The following GRK1 variants were observed in gnomAD, a reference collection of about 807,000 sequenced individuals.
The protein encoded by GRK1 is G protein-coupled receptor kinase 1.
Under a neutral mutation model 41.7 loss-of-function variants are expected in GRK1, and 28 were observed. The ratio of observed to expected loss-of-function variants is 0.67; its 90% confidence interval spans 0.50 to 0.92. The LOEUF (loss-of-function observed/expected upper bound fraction) is 0.92, where lower values mean the gene tolerates loss of function less well. GRK1 is among the 40% of genes least tolerant of loss of function. The pLI is 0.00. For missense variants in GRK1, 703 were observed against 671.2 expected (o/e 1.05, Z -0.52); for synonymous variants, 327 against 286.7 (o/e 1.14, Z -1.42).
At chr13:113,650,096 G>A in the GRK1 span, among the ~76,000 whole-genome samples, 2 of 151,848 alleles carry the variant, frequency 1.3e-5, no homozygotes, top group African/African-American at 4.8e-5. The surrounding 1 kb of genome is among the most constrained non-coding windows in gnomAD (Gnocchi z 5.0). Flanking sequence ...CCAGGTGGTT[G>A]AGGCTGCAAT....
At chr13:113,651,072 C>T in the GRK1 span, among the ~76,000 whole-genome samples, 2 of 151,938 alleles carry the variant, frequency 1.3e-5, no homozygotes, top group Admixed American at 6.5e-5. Flanking sequence ...GTGGAGGCTT[C>T]GAGGGAAGTG....
rs747650846 is a variant in GRK1 at position 113,733,586 on chromosome 13, C to CGT, written c.1396+509_1396+510dup. On this transcript the variant is annotated intron_variant, in intron 6 of 6. Coordinates refer to ENST00000335678, the MANE Select transcript of GRK1 (RefSeq NM_002929.3). The stretch of plus-strand genomic sequence containing the variant: ...CCATGTATGTGTATGTGTGTGCATA[C>CGT]GTGTGTGTGCATGTGTGCGCATGTG... Among the ~76,000 whole-genome samples, 115 of 145,466 alleles carry CGT rather than the reference C, an allele frequency of 7.9e-4. 1 individual carries two copies. Among genetic ancestry groups the CGT allele is most frequent in the African/African-American group, 3.0e-3 (113 of 38,160 alleles).
rs1345546227 is a variant in GRK1, at chr13:113,667,355, C to T, written c.-32C>T. On this transcript the variant is annotated 5_prime_UTR_variant, in exon 1 of 7. Transcript: ENST00000335678. The surrounding 1 kb of genome is among the most constrained non-coding windows in gnomAD (Gnocchi z 7.5). ...CCCGGCTTGGCCTCGGCTGATGGGC[C>T]CTCACGCCTGAAGCGGGCAGGAAGC... is the stretch of plus-strand genomic sequence containing the variant. 6.6e-7 allele frequency: 1 copy of T among 1,506,262 alleles called. No individual in the cohort carries two copies. The highest frequency in any genetic ancestry group is 8.9e-7 in the Non-Finnish European group (1 of 1,125,238). 93.3% of individuals were successfully genotyped at this position (1,506,262 alleles called of 1,614,324 possible).
the GRK1 span, chr13:113,653,104 T>C: frequency 6.3e-7 from 1 of 1,590,934 alleles, no homozygotes; most frequent in Non-Finnish European, 8.6e-7. Flanking sequence ...AGCCCTGTCC[T>C]GCCCTGGCCC....
the GRK1 span, among the ~76,000 whole-genome samples, chr13:113,657,793 C>T: frequency 1.6e-4 from 24 of 152,380 alleles, no homozygotes; most frequent in South Asian, 4.1e-4. Flanking sequence ...CTGTGGACGC[C>T]CTCCACCGGC....
chr13:113,653,597 C>A, the GRK1 span, among the ~76,000 whole-genome samples: 1 of 152,232 alleles, frequency 6.6e-6, no homozygotes, highest in Non-Finnish European at 1.5e-5. Context: ...CAGGACAGCA[C>A]AGTCAGAATG....
Position 113,731,121 on chromosome 13 carries a change from G to A in GRK1, c.1070-98G>A, listed in dbSNP as rs564223055. The A allele has an allele frequency of 1.8e-5, 26 of 1,457,972 alleles. No homozygotes were observed. In the African/African-American group the frequency reaches 3.5e-4, roughly 20 times the overall value. 90.3% of individuals were successfully genotyped at this position (1,457,972 alleles called of 1,614,324 possible). A position where few individuals can be genotyped will look rare whatever the true frequency, so the allele number is the denominator to read the frequency against. On this transcript the variant is annotated intron_variant, in intron 4 of 6. Coordinates refer to ENST00000335678, the MANE Select transcript of GRK1 (RefSeq NM_002929.3). This position sits in a 1 kb window ranked among gnomAD's most constrained non-coding sequence, Gnocchi z 5.6. ...AATGTGGAGAGTGCTGAGGCCCCGG[G>A]GGGGATGCATCCCCAGAGCATCAGT...
At chr13:113,656,817 G>T in the GRK1 span, among the ~76,000 whole-genome samples, 1 of 152,120 alleles carries the variant, frequency 6.6e-6, no homozygotes. Context: ...CAGCCAGGAG[G>T]CGGCACATGG....
chr13:113,653,262 G>T, the GRK1 span: 2 of 1,448,932 alleles, frequency 1.4e-6, no homozygotes, highest in African/African-American at 2.9e-5. Flanking sequence ...TCACCCACCC[G>T]CCGCTTCACA....
At chr13:113,734,328 T>G (rs972633905) in intron 6 of GRK1, 2 of 152,228 alleles carry the variant, frequency 1.3e-5, no homozygotes, top group African/African-American at 4.8e-5. Flanking sequence ...CCAAGGGGGC[T>G]CCAAGGGGTC....
At chr13:113,734,930 C>A in intron 6 of GRK1, 138 bp from the exon 7 acceptor site, 2 of 846,742 alleles carry the variant, frequency 2.4e-6, no homozygotes, top group Non-Finnish European at 1.7e-6. Context: ...CTCTCTCAGC[C>A]TCCACGACAC....
the GRK1 span, among the ~76,000 whole-genome samples, chr13:113,655,175 T>C: frequency 2.0e-5 from 3 of 152,208 alleles, no homozygotes; most frequent in South Asian, 4.1e-4. Flanking sequence ...GACGTCCACA[T>C]AGGCAGAATC....
upstream of GRK1, among the ~76,000 whole-genome samples, chr13:113,664,757 C>T (rs537550262): frequency 2.6e-5 from 4 of 152,244 alleles, no homozygotes; most frequent in South Asian, 2.1e-4. This position sits in a 1 kb window ranked among gnomAD's most constrained non-coding sequence, Gnocchi z 5.4. Context: ...GCAAGGTCTC[C>T]GGGCGATTCA....
chr13:113,731,231 C>A lies in GRK1; in HGVS notation c.1082C>A (p.Pro361His), dbSNP rs2049934682. Residue 361 changes from proline to histidine, a missense_variant, in exon 5 of 7, where the codon CCC becomes CAC. Coordinates refer to ENST00000335678, the MANE Select transcript of GRK1 (RefSeq NM_002929.3). This position sits in a 1 kb window ranked among gnomAD's most constrained non-coding sequence, Gnocchi z 5.6. ...GYAGTPGFMA[P>H]ELLQGEEYDF... is the part of the protein sequence containing the mutation. ...CCCTTGCTGGCAGGTTTCATGGCCCCCGAGCTCCTGCAGGGCGAGGAGTAC... is the reference window on the plus strand; with the variant it reads ...CCCTTGCTGGCAGGTTTCATGGCCCACGAGCTCCTGCAGGGCGAGGAGTAC... The A allele has an allele frequency of 6.5e-7, 1 of 1,536,898 alleles. No individual in the cohort carries two copies. The highest frequency in any genetic ancestry group is 1.4e-5 in the African/African-American group (1 of 73,030).
the GRK1 span, among the ~76,000 whole-genome samples, chr13:113,660,713 A>T: frequency 1.3e-5 from 2 of 152,232 alleles, no homozygotes; most frequent in Admixed American, 6.5e-5. Context: ...CTAAAAATGA[A>T]TTTAAAAAGA....
At chr13:113,659,318 G>C in the GRK1 span, among the ~76,000 whole-genome samples, 10 of 152,190 alleles carry the variant, frequency 6.6e-5, no homozygotes, top group African/African-American at 2.4e-4. Flanking sequence ...ATGTGCTCAG[G>C]GGCCTTCTGA....
Position 113,671,473 on chromosome 13 carries a change from C to T in GRK1, c.828-26C>T, listed in dbSNP as rs373160537. The T allele has an allele frequency of 9.0e-6, 7 of 777,700 alleles. No homozygotes were observed. In the African/African-American group the frequency reaches 1.0e-4, roughly 11 times the overall value. 48.2% of individuals were successfully genotyped at this position (777,700 alleles called of 1,614,324 possible). ...TTTACTCCCCATTAAACCCGGGGTG[C>T]ATGGTTCCCACGTGTCTTCCCCCAG... On this transcript the variant is annotated intron_variant, in intron 2 of 6. Transcript: ENST00000335678. This position sits in a 1 kb window ranked among gnomAD's most constrained non-coding sequence, Gnocchi z 4.1.
chr13:113,657,936 A>C, the GRK1 span: 1 of 1,013,346 alleles, frequency 9.9e-7, no homozygotes, highest in Non-Finnish European at 1.4e-6. Context: ...TCTCACTGTC[A>C]GGGGCCCTCT....
the GRK1 span, chr13:113,651,757 T>C: frequency 2.5e-6 from 4 of 1,610,398 alleles, no homozygotes; most frequent in African/African-American, 4.0e-5. Context: ...GCGTGGCCGC[T>C]CCCCACCCCC....
Sources: allele counts gnomAD v4.1 joint callset (sites outside exome capture counted in the v4.1 genomes callset), GRCh38; gene constraint gnomAD v4.1.1; non-coding constraint Gnocchi (gnomAD v3.1); transcripts MANE v1.5; gene names NCBI Gene and HGNC (gene_info 2026-07-23, HGNC 2026-07-21).